Variants in DHRSX observed in about 807,000 individuals in gnomAD.
The protein encoded by DHRSX is dehydrogenase/reductase X-linked.
In DHRSX, 31 loss-of-function variants were observed where a neutral mutation model predicts 34.0. The ratio of observed to expected loss-of-function variants is 0.91; its 90% CI spans 0.69 to 1.23. DHRSX has a LOEUF of 1.23. DHRSX is among the 50% of genes most tolerant of loss of function. DHRSX has a pLI of 0.00. For missense variants in DHRSX, 414 were observed against 428.1 expected, an observed-to-expected ratio of 0.97 and a Z score of 0.29; for synonymous variants, 201 against 183.8, an observed-to-expected ratio of 1.09 and a Z score of -0.76.
intron 2 of DHRSX, among the ~76,000 whole-genome samples, chrX:2,415,688 C>A (rs1427449703): frequency 6.6e-6 from 1 of 150,978 alleles, no homozygotes; most frequent in Non-Finnish European, 1.5e-5. Flanking sequence ...CCCAACTAGA[C>A]CTCATCATGA....
chrX:2,367,389 G>A (rs1318416214), intron 3 of DHRSX, among the ~76,000 whole-genome samples: 3 of 150,444 alleles, frequency 2.0e-5, no homozygotes, highest in African/African-American at 4.9e-5. Context: ...AGTGAGCCAA[G>A]CTTGTGCCAC....
intron 1 of DHRSX, chrX:2,489,542 G>A (rs1356890395): frequency 1.9e-6 from 3 of 1,612,852 alleles, no homozygotes; most frequent in South Asian, 2.2e-5. Flanking sequence ...CCCCTCGATG[G>A]TGGCCCACTC....
At chrX:2,306,524 C>T (rs2042098745) in intron 3 of DHRSX, among the ~76,000 whole-genome samples, 1 of 149,576 alleles carries the variant, frequency 6.7e-6, no homozygotes, top group African/African-American at 2.5e-5. Flanking sequence ...CGCAGTGGTG[C>T]GATCTTGGCT....
intron 3 of DHRSX, among the ~76,000 whole-genome samples, chrX:2,308,616 A>G (rs980840650): frequency 6.6e-6 from 1 of 152,142 alleles, no homozygotes; most frequent in Non-Finnish European, 1.5e-5. Context: ...TCATAAACCA[A>G]ATGCTGAATT....
chrX:2,384,973 C>T (rs1038735380), intron 3 of DHRSX, among the ~76,000 whole-genome samples: 6 of 150,716 alleles, frequency 4.0e-5, no homozygotes, highest in Admixed American at 6.6e-5. Context: ...ACATTTGCTG[C>T]GCACCTGTAG....
At chrX:2,380,603 T>G (rs2043191847) in intron 3 of DHRSX, among the ~76,000 whole-genome samples, 1 of 152,274 alleles carries the variant, frequency 6.6e-6, no homozygotes, top group Admixed American at 6.5e-5. Flanking sequence ...GGGAGGGACC[T>G]GGTGGGAGGT....
intron 4 of DHRSX, among the ~76,000 whole-genome samples, chrX:2,273,683 T>C (rs1244268306): frequency 6.6e-6 from 1 of 152,252 alleles, no homozygotes; most frequent in Non-Finnish European, 1.5e-5. Context: ...TTTGTGTCCA[T>C]GAGTACCCGC....
intron 3 of DHRSX, among the ~76,000 whole-genome samples, chrX:2,292,010 G>A (rs2041873207): frequency 6.6e-6 from 1 of 151,318 alleles, no homozygotes; most frequent in Admixed American, 6.6e-5. Flanking sequence ...AAAGTGCTGG[G>A]ATTACAGGCG....
intron 3 of DHRSX, among the ~76,000 whole-genome samples, chrX:2,316,107 C>T (rs1440391313): frequency 1.3e-4 from 20 of 152,062 alleles, no homozygotes; most frequent in East Asian, 7.8e-4. Context: ...GGTGATCCAC[C>T]GGCCTTGGCC....
Position 2,220,991 on chromosome X carries a change from T to C in DHRSX, c.*50A>G. 6.4e-7 allele frequency: 1 copy of C among 1,574,606 alleles called. No homozygotes were observed. Among genetic ancestry groups the C allele is most frequent in the Non-Finnish European group, 8.7e-7 (1 of 1,152,360 alleles). On this transcript the variant is annotated 3_prime_UTR_variant, in exon 7 of 7. Coordinates refer to ENST00000334651, the MANE Select transcript of DHRSX (RefSeq NM_145177.3). ...CAGTCTTCACAGACCCACAAGCTATTGGCAGGTGCAATGTGTTTCTTGGGG... is the reference window on the plus strand; with the variant it reads ...CAGTCTTCACAGACCCACAAGCTATCGGCAGGTGCAATGTGTTTCTTGGGG...
intron 3 of DHRSX, among the ~76,000 whole-genome samples, chrX:2,383,314 C>T (rs937044561): frequency 2.0e-5 from 3 of 151,540 alleles, no homozygotes; most frequent in Non-Finnish European, 4.4e-5. Flanking sequence ...TCATAAACAC[C>T]ATCATCACCA....
chrX:2,368,816 C>T (rs185585258), intron 3 of DHRSX, among the ~76,000 whole-genome samples: 3 of 152,274 alleles, frequency 2.0e-5, no homozygotes, highest in Non-Finnish European at 4.4e-5. Flanking sequence ...TGCCACTGAA[C>T]TCCAGCCTGG....
intron 6 of DHRSX, among the ~76,000 whole-genome samples, chrX:2,225,272 TCA>T (rs759863955): frequency 4.4e-4 from 66 of 148,404 alleles, no homozygotes; most frequent in South Asian, 1.7e-3. Flanking sequence ...TGCACACAGC[TCA>T]CACACATGCA....
Position 2,308,899 on chromosome X carries a change from A to AG in DHRSX, c.287-17297dup, listed in dbSNP as rs71914744. Reference sequence around the variant, plus strand: ...ATGGGTGGAAACGGGGAAGGAAGGAAGAAGGAGAAACAAGGTCCCAGAAAA... The same window carrying AG: ...ATGGGTGGAAACGGGGAAGGAAGGAAGGAAGGAGAAACAAGGTCCCAGAAAA... On this transcript the variant is annotated intron_variant, in intron 3 of 6. Coordinates refer to ENST00000334651, the MANE Select transcript of DHRSX (RefSeq NM_145177.3). Among the ~76,000 whole-genome samples, 438 of 145,438 alleles carry AG rather than the reference A, an allele frequency of 3.0e-3. 5 individuals are homozygous for AG. The East Asian group carries it at 0.038, about 12-fold the overall frequency.
chrX:2,358,950 G>GAAA (rs57856874), intron 3 of DHRSX, among the ~76,000 whole-genome samples: 5 of 124,520 alleles, frequency 4.0e-5, no homozygotes, highest in Admixed American at 1.7e-4. Context: ...CTCTGTCTCG[G>GAAA]AAAAAAAAAA....
At chrX:2,241,504 A>G (rs998144112) in intron 6 of DHRSX, among the ~76,000 whole-genome samples, 3 of 152,126 alleles carry the variant, frequency 2.0e-5, no homozygotes, top group Non-Finnish European at 4.4e-5. Context: ...TTCTGAACCC[A>G]CATCGCGGAG....
At chrX:2,475,410 C>CCATGTA (rs2044664239) in intron 1 of DHRSX, among the ~76,000 whole-genome samples, 1 of 151,056 alleles carries the variant, frequency 6.6e-6, no homozygotes, top group Non-Finnish European at 1.5e-5. Flanking sequence ...GGGACCGCCA[C>CCATGTA]CATGTACACA....
In DHRSX at chrX:2,270,009, T is replaced by C. The variant is rs368404192; in HGVS notation, c.389-3062A>G. On this transcript the variant is annotated intron_variant, in intron 4 of 6. Transcript: ENST00000334651. ...TTATATGGAGCTATCTATACATATA[T>C]GTAGGTCTAGCATTTCTCTATGTGT... 4.3e-3 allele frequency among the ~76,000 whole-genome samples: 656 copies of C among 152,306 alleles called. 8 individuals are homozygous for C. Among genetic ancestry groups the C allele is most frequent in the African/African-American group, 0.015 (611 of 41,562 alleles).
chrX:2,339,757 T>C (rs1309493750), intron 3 of DHRSX, among the ~76,000 whole-genome samples: 1 of 152,148 alleles, frequency 6.6e-6, no homozygotes, highest in African/African-American at 2.4e-5. Flanking sequence ...ATTTTCTTTA[T>C]ACATTCTATC....
Sources: allele counts gnomAD v4.1 joint callset (sites outside exome capture counted in the v4.1 genomes callset), GRCh38; gene constraint gnomAD v4.1.1; transcripts MANE v1.5; gene names NCBI Gene and HGNC (gene_info 2026-07-23, HGNC 2026-07-21).